The following ZFHX3 variants were observed in gnomAD, a reference collection of about 807,000 sequenced individuals.
The protein encoded by ZFHX3 is zinc finger homeobox 3.
In ZFHX3, 42 loss-of-function variants were observed where a neutral mutation model predicts 279.1. That is an observed-to-expected ratio of 0.15 (90% CI 0.12 to 0.19). The LOEUF (loss-of-function observed/expected upper bound fraction) is 0.19, where lower values mean the gene tolerates loss of function less well. ZFHX3 is among the 10% of genes least tolerant of loss of function. The probability of loss-of-function intolerance (pLI) is 1.00; values close to 1 mark genes in which losing one functional copy is unlikely to be tolerated. For missense variants in ZFHX3, 4,981 were observed against 4,754.0 expected, an observed-to-expected ratio of 1.05 and a Z score of -1.40; for synonymous variants, 2,293 against 1,957.8, an observed-to-expected ratio of 1.17 and a Z score of -4.52.
At chr16:73,883,029 T>TA (rs1260132101) in intron 1 of ZFHX3, among the ~76,000 whole-genome samples, 8 of 143,334 alleles carry the variant, frequency 5.6e-5, no homozygotes, top group African/African-American at 1.8e-4. Flanking sequence ...GTCAAGCTTT[T>TA]TAAAAAAAAA....
At chr16:73,667,753 G>A (rs1198347905) in intron 2 of ZFHX3, among the ~76,000 whole-genome samples, 1 of 152,200 alleles carries the variant, frequency 6.6e-6, no homozygotes, top group Non-Finnish European at 1.5e-5. Context: ...ATCTCATTTT[G>A]AGATTAAGGT....
chr16:73,057,827 G>A (rs1235990552), intron 1 of ZFHX3, among the ~76,000 whole-genome samples: 1 of 150,628 alleles, frequency 6.6e-6, no homozygotes, highest in East Asian at 1.9e-4. Flanking sequence ...TCGCCGGCAA[G>A]TCGAGCCCCA....
chr16:73,724,028 T>A (rs773369641), intron 1 of ZFHX3, among the ~76,000 whole-genome samples: 11 of 152,228 alleles, frequency 7.2e-5, no homozygotes, highest in Non-Finnish European at 1.2e-4. Context: ...GATGATTTTT[T>A]CATAAAAGCA....
At chr16:73,144,661 C>G (rs939747558) in intron 5 of ZFHX3, among the ~76,000 whole-genome samples, 1 of 152,096 alleles carries the variant, frequency 6.6e-6, no homozygotes, top group African/African-American at 2.4e-5. Context: ...CCCCTGAAAC[C>G]CAACGAATGC....
At chr16:73,740,456 T>A (rs1343882180) in intron 1 of ZFHX3, among the ~76,000 whole-genome samples, 1 of 151,878 alleles carries the variant, frequency 6.6e-6, no homozygotes, top group Non-Finnish European at 1.5e-5. Flanking sequence ...GGCAGGTGAG[T>A]TTTCCTCTAG....
rs1224033166 is a variant in ZFHX3, at chr16:72,783,039, A to G, written c.*4125T>C. ...ATTTTTTTTTCAGTTTGAAAGTTCCATGTGGTTCTGTTTGTTAGTCTCCAT... is the reference window on the plus strand; with the variant it reads ...ATTTTTTTTTCAGTTTGAAAGTTCCGTGTGGTTCTGTTTGTTAGTCTCCAT... On this transcript the variant is annotated 3_prime_UTR_variant, in exon 10 of 10. Coordinates refer to ENST00000268489, the MANE Select transcript of ZFHX3 (RefSeq NM_006885.4). The G allele has an allele frequency of 6.6e-6, 1 of 152,558 alleles. No homozygotes were observed. Among genetic ancestry groups the G allele is most frequent in the Admixed American group, 6.5e-5 (1 of 15,270 alleles). The allele number at this position is 152,558 out of a possible 1,614,324, so 9.5% of individuals were successfully genotyped here.
chr16:73,856,734 G>A (rs1400399086), intron 1 of ZFHX3, among the ~76,000 whole-genome samples: 1 of 152,140 alleles, frequency 6.6e-6, no homozygotes, highest in East Asian at 1.9e-4. Context: ...CCACCCTTTG[G>A]AAAGCTCTAA....
intron 2 of ZFHX3, among the ~76,000 whole-genome samples, chr16:73,625,020 T>C (rs572668839): frequency 1.3e-5 from 2 of 152,342 alleles, no homozygotes; most frequent in African/African-American, 4.8e-5. Context: ...GTTACCACAC[T>C]TCCAGTGGCT....
At chr16:73,013,240 C>A (rs1963977149) in intron 1 of ZFHX3, among the ~76,000 whole-genome samples, 2 of 152,200 alleles carry the variant, frequency 1.3e-5, no homozygotes, top group Non-Finnish European at 2.9e-5. Flanking sequence ...ATTCCCACAA[C>A]ACTTGGATTC....
intron 4 of ZFHX3, among the ~76,000 whole-genome samples, chr16:73,309,811 A>C (rs8061951): frequency 4.0e-5 from 6 of 151,882 alleles, no homozygotes; most frequent in Admixed American, 1.3e-4. Context: ...ATCCTCAAGT[A>C]GTCTGAGACC....
At chr16:73,613,940 C>T (rs1445098083) in intron 2 of ZFHX3, among the ~76,000 whole-genome samples, 3 of 152,194 alleles carry the variant, frequency 2.0e-5, no homozygotes, top group Non-Finnish European at 2.9e-5. Flanking sequence ...CTCTTTGACA[C>T]CCTCAGCACA....
intron 2 of ZFHX3, among the ~76,000 whole-genome samples, chr16:73,465,960 A>T (rs1043793497): frequency 6.7e-6 from 1 of 148,262 alleles, no homozygotes; most frequent in Non-Finnish European, 1.5e-5. Flanking sequence ...CCTCTAAGCC[A>T]CGGTTTCTCA....
chr16:73,751,535 G>T, intron 1 of ZFHX3, among the ~76,000 whole-genome samples: 1 of 151,730 alleles, frequency 6.6e-6, no homozygotes, highest in East Asian at 1.9e-4. Context: ...TTATGTGTGT[G>T]TGTGTATATA....
chr16:73,857,667 T>C (rs188962148), intron 1 of ZFHX3, among the ~76,000 whole-genome samples: 3 of 152,282 alleles, frequency 2.0e-5, no homozygotes, highest in African/African-American at 7.2e-5. Context: ...AGTCATAACA[T>C]GCTGCACTTG....
In ZFHX3 at chr16:72,787,476, C is replaced by T. The variant is rs138797150; in HGVS notation, c.10800G>A (p.Pro3600=). ...AAHSNDSPPP[P]SAAAPSSASP... is the part of the protein sequence containing the mutation. Reference sequence around the variant, plus strand: ...AAGCGGAGGAGGGGGCGGCGGCCGACGGGGGAGGGGGGCTGTCGTTTGAGT... The same window carrying T: ...AAGCGGAGGAGGGGGCGGCGGCCGATGGGGGAGGGGGGCTGTCGTTTGAGT... Residue 3600 remains proline, a synonymous_variant, in exon 10 of 10, where the codon CCG becomes CCA. Coordinates refer to ENST00000268489, the MANE Select transcript of ZFHX3 (RefSeq NM_006885.4). 8 of 922,838 alleles carry T rather than the reference C, an allele frequency of 8.7e-6. No homozygotes were observed. The highest frequency in any genetic ancestry group is 7.2e-5 in the African/African-American group (2 of 27,834). The allele number at this position is 922,838 out of a possible 1,614,324, so 57.2% of individuals were successfully genotyped here.
intron 5 of ZFHX3, among the ~76,000 whole-genome samples, chr16:73,201,449 T>C (rs1480094446): frequency 6.6e-6 from 1 of 152,246 alleles, no homozygotes; most frequent in African/African-American, 2.4e-5. Context: ...CTAATGTGAA[T>C]CTGGTTACAG....
At chr16:73,239,042 C>T (rs2013039338) in intron 5 of ZFHX3, among the ~76,000 whole-genome samples, 1 of 152,204 alleles carries the variant, frequency 6.6e-6, no homozygotes, top group Non-Finnish European at 1.5e-5. Context: ...CCATGAGACA[C>T]ATGGAGGCAG....
At position 72,788,015 on chromosome 16, in the gene ZFHX3, G is replaced by C. The variant is rs8044440; in HGVS notation, c.10261C>G (p.Pro3421Ala). Residue 3421 changes from proline (P) to alanine (A), a missense_variant, in exon 10 of 10, where the codon CCA (proline) becomes GCA (alanine). Around this residue, in one of 7 missense-constraint regions of ZFHX3, gnomAD observed 1,034 missense variants for 786.0 expected, o/e 1.32. Coordinates refer to ENST00000268489, the MANE Select transcript of ZFHX3 (RefSeq NM_006885.4). Reference protein sequence around the residue: ...DKDPAKESPKPEEQKNTPREV... With the variant: ...DKDPAKESPKAEEQKNTPREV... ...CGGGGGGTGTTTTTCTGTTCTTCTGGTTTGGGGGATTCTTTGGCAGGGTCT... is the reference window on the plus strand; with the variant it reads ...CGGGGGGTGTTTTTCTGTTCTTCTGCTTTGGGGGATTCTTTGGCAGGGTCT... The C allele has an allele frequency of 2.7e-5, 43 of 1,613,422 alleles. No homozygotes were observed. The African/African-American group carries it at 5.1e-4, about 19-fold the overall frequency.
At chr16:72,946,977 T>C (rs565250350) in intron 3 of ZFHX3, among the ~76,000 whole-genome samples, 4 of 152,326 alleles carry the variant, frequency 2.6e-5, no homozygotes, top group Admixed American at 2.0e-4. Context: ...AAGAGCCCAG[T>C]TCCCAAGCTT....
Sources: allele counts gnomAD v4.1 joint callset (sites outside exome capture counted in the v4.1 genomes callset), GRCh38; gene constraint gnomAD v4.1.1; regional missense constraint gnomAD v4.1.1; transcripts MANE v1.5; gene names NCBI Gene and HGNC (gene_info 2026-07-23, HGNC 2026-07-21).